UBE2F: variants seen among roughly 807,000 people sequenced by gnomAD.
UBE2F encodes NEDD8-conjugating enzyme UBE2F.
UBE2F carries 5 observed loss-of-function variants against 29.6 expected under a neutral mutation model. The ratio of observed to expected loss-of-function variants is 0.17; its 90% CI spans 0.09 to 0.36. UBE2F has a LOEUF of 0.36. Ranked by LOEUF, UBE2F falls within the 10% of genes least tolerant of loss-of-function variation. The probability of loss-of-function intolerance (pLI) is 1.00; values close to 1 mark genes in which losing one functional copy is unlikely to be tolerated. For missense variants in UBE2F, 141 were observed against 228.5 expected (o/e 0.62, Z 2.47); for synonymous variants, 66 against 81.8 (o/e 0.81, Z 1.04).
At chr2:238,025,437 T>C (rs985254570) in intron 6 of UBE2F, 25 bp downstream of exon 6, 4 of 1,597,280 alleles carry the variant, frequency 2.5e-6, no homozygotes, top group Non-Finnish European at 3.4e-6. Context: ...TTTTCTTTCT[T>C]CTACATTCGT....
intron 4 of UBE2F, 177 bp from the exon 5 acceptor site, chr2:238,016,389 G>A (rs2064153516): frequency 1.7e-6 from 1 of 586,144 alleles, no homozygotes; most frequent in Non-Finnish European, 3.0e-6. Flanking sequence ...TGTTCAGGCA[G>A]GGGCAGGACT....
At chr2:238,023,936 G>C (rs1177404816) in intron 5 of UBE2F, among the ~76,000 whole-genome samples, 3 of 152,132 alleles carry the variant, frequency 2.0e-5, no homozygotes, top group Non-Finnish European at 4.4e-5. Context: ...GATGAACCCT[G>C]CATTGATAGA....
chr2:237,969,397 T>C lies in UBE2F; in HGVS notation c.-17+2265T>C, dbSNP rs531436796. 5.3e-4 allele frequency among the ~76,000 whole-genome samples: 80 copies of C among 152,320 alleles called. 1 individual carries two copies. The highest frequency in any genetic ancestry group is 2.3e-3 in the Admixed American group (35 of 15,302). ...CCTGAGCCTCCTTCAGGGAGCTGCA[T>C]GTGGCCCTGGTGCTTGCTGTTCTGT... On this transcript the variant is annotated intron_variant, in intron 1 of 9. Transcript: ENST00000272930.
At chr2:237,990,228 C>T (rs1175216087) in intron 3 of UBE2F, among the ~76,000 whole-genome samples, 12 of 149,202 alleles carry the variant, frequency 8.0e-5, no homozygotes, top group Non-Finnish European at 4.4e-5. Flanking sequence ...TGTGGGGGGG[C>T]AGGATAGACA....
At chr2:238,003,330 A>G (rs1033209758) in intron 4 of UBE2F, 3 of 470,528 alleles carry the variant, frequency 6.4e-6, no homozygotes, top group Admixed American at 2.3e-5. Flanking sequence ...AACTTTCATC[A>G]GGAAAACATT....
chr2:238,030,450 A>T (rs1309912872), intron 6 of UBE2F, 106 bp from the exon 7 acceptor site: 2 of 756,942 alleles, frequency 2.6e-6, no homozygotes, highest in Non-Finnish European at 4.5e-6. Flanking sequence ...GATGGGTTTA[A>T]TAAAAAGTAG....
intron 4 of UBE2F, among the ~76,000 whole-genome samples, chr2:238,012,371 G>C (rs2064054887): frequency 6.6e-6 from 1 of 152,030 alleles, no homozygotes; most frequent in African/African-American, 2.4e-5. Flanking sequence ...TCAGCTGCAG[G>C]GACATCAAAT....
intron 4 of UBE2F, among the ~76,000 whole-genome samples, chr2:238,007,036 G>A (rs1308547077): frequency 1.3e-5 from 2 of 152,056 alleles, no homozygotes; most frequent in African/African-American, 2.4e-5. Flanking sequence ...GATTACAGGC[G>A]TGAGCCACTG....
chr2:237,967,994 A>G lies in UBE2F; in HGVS notation c.-17+862A>G, dbSNP rs1218823622. ...GCTTCTTGGAGGAGGAGATGTTGGG[A>G]TGTAGGTAGGAATCTTCCCCTTAAG... is the stretch of plus-strand genomic sequence containing the variant. On this transcript the variant is annotated intron_variant, in intron 1 of 9. Coordinates refer to ENST00000272930, the MANE Select transcript of UBE2F (RefSeq NM_080678.3). This position sits in a 1 kb window ranked among gnomAD's most constrained non-coding sequence, Gnocchi z 6.3. Among the ~76,000 whole-genome samples, 1 of 152,050 alleles carries G rather than the reference A, an allele frequency of 6.6e-6. No individual in the cohort carries two copies. The highest frequency in any genetic ancestry group is 2.4e-5 in the African/African-American group (1 of 41,382).
intron 3 of UBE2F, 55 bp from the exon 4 acceptor site, chr2:237,994,689 A>T: frequency 7.0e-7 from 1 of 1,424,716 alleles, no homozygotes. Flanking sequence ...GTTAGCGTCA[A>T]CATATGGACT....
At chr2:237,985,373 C>T (rs1442846991) in intron 2 of UBE2F, among the ~76,000 whole-genome samples, 1 of 152,000 alleles carries the variant, frequency 6.6e-6, no homozygotes, top group Admixed American at 6.6e-5. Flanking sequence ...CTGCCCCCTT[C>T]CCCACTCCCA....
At position 237,980,084 on chromosome 2, in the gene UBE2F, T is replaced by TA. The variant is rs140925874; in HGVS notation, c.118+6862dup. On this transcript the variant is annotated intron_variant, in intron 2 of 9. Transcript: ENST00000272930. ...ATGAAGGCAGTGGGAAGCTAAGAAA[T>TA]AAAGTTCTAGTTCTAGAAATCTGTG... Among the ~76,000 whole-genome samples the TA allele has an allele frequency of 1.0e-3, 157 of 152,372 alleles. 2 individuals are homozygous for TA. In the East Asian group the frequency reaches 0.026, roughly 25 times the overall value.
intron 3 of UBE2F, among the ~76,000 whole-genome samples, chr2:237,994,338 C>T (rs2063648554): frequency 6.6e-6 from 1 of 152,168 alleles, no homozygotes; most frequent in Non-Finnish European, 1.5e-5. Context: ...GGTGCTAGGG[C>T]AACAGAGTTG....
chr2:238,041,330 G>T lies in UBE2F; in HGVS notation c.550G>T (p.Ala184Ser). 1 of 1,613,928 alleles carries T rather than the reference G, an allele frequency of 6.2e-7. No homozygotes were observed. The highest frequency in any genetic ancestry group is 1.1e-5 in the South Asian group (1 of 91,078). ...NKVDDYIKRY[A>S]R ...AGTGGATGACTACATCAAACGTTAT[G>T]CCAGATGATAAAAGGGGACGATTGC... Residue 184 changes from alanine (A) to serine (S), a missense_variant, in exon 10 of 10, where the codon GCC (alanine) becomes TCC (serine). By Grantham distance (99) the Ala-to-Ser change is moderately conservative. Transcript: ENST00000272930.
chr2:238,005,489 C>T (rs1353584402), intron 4 of UBE2F, among the ~76,000 whole-genome samples: 1 of 152,170 alleles, frequency 6.6e-6, no homozygotes, highest in Non-Finnish European at 1.5e-5. Flanking sequence ...AGCCACCATG[C>T]CCGGCCTTAT....
chr2:238,001,123 T>TGATTC, intron 4 of UBE2F, among the ~76,000 whole-genome samples: 1 of 147,818 alleles, frequency 6.8e-6, no homozygotes, highest in Admixed American at 6.9e-5. Context: ...CAACCTCCGC[T>TGATTC]TCCTGGTTCA....
intron 4 of UBE2F, among the ~76,000 whole-genome samples, chr2:237,996,452 G>A (rs891863639): frequency 1.2e-4 from 18 of 145,116 alleles, no homozygotes; most frequent in African/African-American, 4.4e-4. Context: ...CTGGATAAAT[G>A]TTTCTTCCCC....
chr2:238,013,120 A>AG (rs894959196), intron 4 of UBE2F, among the ~76,000 whole-genome samples: 40 of 152,108 alleles, frequency 2.6e-4, no homozygotes, highest in Non-Finnish European at 5.7e-4. Flanking sequence ...CTACAAAAAA[A>AG]CTAGCTGGGC....
Position 237,967,105 on chromosome 2 carries a change from C to T in UBE2F, c.-44C>T. 1.5e-6 allele frequency: 2 copies of T among 1,343,686 alleles called. No individual in the cohort carries two copies. Among genetic ancestry groups the T allele is most frequent in the Non-Finnish European group, 1.9e-6 (2 of 1,043,718 alleles). 83.2% of individuals were successfully genotyped at this position (1,343,686 alleles called of 1,614,324 possible). On this transcript the variant is annotated 5_prime_UTR_variant, in exon 1 of 10. Coordinates refer to ENST00000272930, the MANE Select transcript of UBE2F (RefSeq NM_080678.3). This position sits in a 1 kb window ranked among gnomAD's most constrained non-coding sequence, Gnocchi z 6.3. ...ACCGGGCATGGTGTTGGGCGCCGGGCCCGCCTCGCCTGTCTCGGGGAGCCC... is the reference window on the plus strand; with the variant it reads ...ACCGGGCATGGTGTTGGGCGCCGGGTCCGCCTCGCCTGTCTCGGGGAGCCC...
Sources: gnomAD v4.1 joint callset for allele counts (sites outside exome capture counted in the v4.1 genomes callset) on GRCh38, gnomAD v4.1.1 for gene constraint, Gnocchi (gnomAD v3.1) non-coding constraint, MANE v1.5 for transcripts, NCBI Gene and HGNC (gene_info 2026-07-23, HGNC 2026-07-21) for gene names.